The following GRIK4 variants were observed in gnomAD, a reference collection of about 807,000 sequenced individuals.
GRIK4 encodes glutamate receptor ionotropic, kainate 4.
In GRIK4, 40 loss-of-function variants were observed where a neutral mutation model predicts 104.9. The observed-to-expected ratio is 0.38, with a 90% CI of 0.30 to 0.50. The LOEUF is 0.50. Among genes scored for constraint, GRIK4 ranks in the 20% least tolerant of loss-of-function variants. The pLI, the probability that GRIK4 is intolerant of heterozygous loss-of-function variation, is 0.93. For synonymous variants in GRIK4, 485 were observed against 524.9 expected, an observed-to-expected ratio of 0.92 and a Z score of 1.04; for missense variants, 1,047 against 1,308.1, an observed-to-expected ratio of 0.80 and a Z score of 3.08.
chr11:120,840,053 G>C (rs565834769), intron 8 of GRIK4, among the ~76,000 whole-genome samples: 90 of 152,290 alleles, frequency 5.9e-4, no homozygotes, highest in African/African-American at 2.1e-3. Context: ...GCTGCTCGGG[G>C]GTCACACAGC....
intron 3 of GRIK4, among the ~76,000 whole-genome samples, chr11:120,791,360 A>G (rs1311678871): frequency 1.3e-5 from 2 of 152,206 alleles, no homozygotes; most frequent in Non-Finnish European, 1.5e-5. Flanking sequence ...GTGACTAATA[A>G]TGTTGGACAT....
At chr11:120,982,578 G>A (rs867452177) in intron 20 of GRIK4, among the ~76,000 whole-genome samples, 11 of 152,038 alleles carry the variant, frequency 7.2e-5, no homozygotes, top group African/African-American at 1.9e-4. Context: ...CCCCCTTCTC[G>A]GGGATTTTGA....
At chr11:120,958,477 C>T (rs547873951) in intron 16 of GRIK4, among the ~76,000 whole-genome samples, 18 of 152,348 alleles carry the variant, frequency 1.2e-4, no homozygotes, top group Middle Eastern at 3.4e-3. Flanking sequence ...ATCAGGGCCT[C>T]GGTTTGGTCC....
intron 1 of GRIK4, among the ~76,000 whole-genome samples, chr11:120,556,038 T>C (rs921468303): frequency 6.6e-6 from 1 of 152,164 alleles, no homozygotes; most frequent in Non-Finnish European, 1.5e-5. Context: ...AAGGTTGCCA[T>C]GCCAGCACAC....
chr11:120,665,197 G>A (rs1466510357), intron 3 of GRIK4, among the ~76,000 whole-genome samples: 4 of 151,898 alleles, frequency 2.6e-5, no homozygotes, highest in East Asian at 1.9e-4. Flanking sequence ...CTAATCCACC[G>A]AGATTCAAAT....
chr11:120,891,670 C>T (rs1955300910), intron 11 of GRIK4, among the ~76,000 whole-genome samples: 1 of 152,138 alleles, frequency 6.6e-6, no homozygotes, highest in Non-Finnish European at 1.5e-5. Flanking sequence ...CAAAGCTGGC[C>T]ATGATCCCTA....
rs533789440 is a variant in GRIK4 at position 120,973,282 on chromosome 11, T to C, written c.2395+5959T>C. On this transcript the variant is annotated intron_variant, in intron 19 of 20. Transcript: ENST00000527524. ...ACTGTGCTGACAGTAGAGTTCAGGA[T>C]GGAGGGAGAAGGGAGGCAGAAAGGG... Among the ~76,000 whole-genome samples the C allele has an allele frequency of 6.2e-4, 95 of 152,108 alleles. 1 individual carries two copies. The highest frequency in any genetic ancestry group is 2.1e-3 in the African/African-American group (86 of 41,466).
At chr11:120,574,167 G>A (rs531716324) in intron 1 of GRIK4, among the ~76,000 whole-genome samples, 48 of 152,296 alleles carry the variant, frequency 3.2e-4, no homozygotes, top group African/African-American at 1.2e-3. Context: ...CAGGTGCGTG[G>A]TGGGGCTCTG....
intron 3 of GRIK4, among the ~76,000 whole-genome samples, chr11:120,776,597 G>T (rs979820309): frequency 6.6e-6 from 1 of 152,192 alleles, no homozygotes; most frequent in Non-Finnish European, 1.5e-5. Context: ...AAACAAGAAC[G>T]ATTTGTTGTC....
intron 13 of GRIK4, among the ~76,000 whole-genome samples, chr11:120,923,778 T>G (rs926149598): frequency 3.9e-5 from 6 of 152,134 alleles, no homozygotes; most frequent in Non-Finnish European, 8.8e-5. Context: ...CATACTTTAC[T>G]CATGAGAAAG....
chr11:120,737,840 T>C (rs1339479250), intron 3 of GRIK4, among the ~76,000 whole-genome samples: 1 of 152,178 alleles, frequency 6.6e-6, no homozygotes, highest in Non-Finnish European at 1.5e-5. Context: ...ACCTGCATAG[T>C]TATTATGAGG....
chr11:120,529,870 C>T (rs181552071), intron 1 of GRIK4, among the ~76,000 whole-genome samples: 1 of 152,224 alleles, frequency 6.6e-6, no homozygotes, highest in South Asian at 2.1e-4. Flanking sequence ...TGCTGTTGAC[C>T]TGTTTTATAG....
chr11:120,787,931 C>T lies in GRIK4; in HGVS notation c.83-14762C>T, dbSNP rs556719274. ...AGGCTGGAGTGCAGTGGCATGATCT[C>T]GGCTCACAGCAGCAACCTCCGCCTC... On this transcript the variant is annotated intron_variant, in intron 3 of 20. Coordinates refer to ENST00000527524, the MANE Select transcript of GRIK4 (RefSeq NM_014619.5). Among the ~76,000 whole-genome samples, 41 of 125,004 alleles carry T rather than the reference C, an allele frequency of 3.3e-4. No homozygotes were observed. In the South Asian group the frequency reaches 5.8e-3, roughly 18 times the overall value. 82.0% of individuals were successfully genotyped at this position (125,004 alleles called of 152,430 possible).
chr11:120,528,269 G>A (rs1224798713), intron 1 of GRIK4, among the ~76,000 whole-genome samples: 4 of 152,132 alleles, frequency 2.6e-5, no homozygotes, highest in East Asian at 1.9e-4. Context: ...CCGCCACCAC[G>A]CCCGGCTAAT....
intron 3 of GRIK4, among the ~76,000 whole-genome samples, chr11:120,762,910 G>A (rs1294789520): frequency 6.6e-6 from 1 of 151,842 alleles, no homozygotes; most frequent in African/African-American, 2.4e-5. Context: ...TTTTTTTGTT[G>A]TTGTTGTGTC....
At chr11:120,794,677 A>G (rs1180994474) in intron 3 of GRIK4, among the ~76,000 whole-genome samples, 1 of 152,114 alleles carries the variant, frequency 6.6e-6, no homozygotes, top group Non-Finnish European at 1.5e-5. Context: ...CCACACCTTG[A>G]TCTTAGACTT....
Position 120,784,737 on chromosome 11 carries a change from G to A in GRIK4, c.83-17956G>A, listed in dbSNP as rs373213987. Among the ~76,000 whole-genome samples the A allele has an allele frequency of 1.2e-4, 18 of 152,096 alleles. No homozygotes were observed. The South Asian group carries it at 1.5e-3, about 12-fold the overall frequency. On this transcript the variant is annotated intron_variant, in intron 3 of 20. Coordinates refer to ENST00000527524, the MANE Select transcript of GRIK4 (RefSeq NM_014619.5). ...TGAGATGGCACCTTCCAGCTGCCCC[G>A]CTGAGCTTGAGTTTCAGAGTCTGCC...
At chr11:120,547,018 C>T (rs552156370) in intron 1 of GRIK4, among the ~76,000 whole-genome samples, 2 of 152,342 alleles carry the variant, frequency 1.3e-5, no homozygotes, top group African/African-American at 4.8e-5. Context: ...CAGAGCTCCA[C>T]GTACCTCCCC....
Position 120,902,535 on chromosome 11 carries a change from C to A in GRIK4, c.1273-2755C>A, listed in dbSNP as rs893650876. 2.0e-5 allele frequency among the ~76,000 whole-genome samples: 3 copies of A among 152,126 alleles called. No individual in the cohort carries two copies. The highest frequency in any genetic ancestry group is 4.4e-5 in the Non-Finnish European group (3 of 68,028). The stretch of plus-strand genomic sequence containing the variant: ...ACATTACCAGTCCTGAGATGGAAAC[C>A]CCCAGCCATGCCCTGTCCAGGAAGC... On this transcript the variant is annotated intron_variant, in intron 12 of 20. Coordinates refer to ENST00000527524, the MANE Select transcript of GRIK4 (RefSeq NM_014619.5). The surrounding 1 kb of genome is among the most constrained non-coding windows in gnomAD (Gnocchi z 4.5).
Sources: allele counts gnomAD v4.1 joint callset (sites outside exome capture counted in the v4.1 genomes callset), GRCh38; gene constraint gnomAD v4.1.1; non-coding constraint Gnocchi (gnomAD v3.1); transcripts MANE v1.5; gene names NCBI Gene and HGNC (gene_info 2026-07-23, HGNC 2026-07-21).